The following TLL2 variants were observed in gnomAD, a reference collection of about 807,000 sequenced individuals.
TLL2 encodes the protein tolloid-like protein 2.
Under a neutral mutation model 123.0 loss-of-function variants are expected in TLL2, and 106 were observed. That is an observed-to-expected ratio of 0.86 (90% CI 0.74 to 1.01). The LOEUF is 1.01. TLL2 is among the 50% of genes least tolerant of loss of function. The probability of loss-of-function intolerance (pLI) is 0.00; values close to 1 mark genes in which losing one functional copy is unlikely to be tolerated. For synonymous variants in TLL2, 494 were observed against 516.8 expected (o/e 0.96, Z 0.60); for missense variants, 1,332 against 1,336.7 (o/e 1.00, Z 0.06).
intron 5 of TLL2, among the ~76,000 whole-genome samples, chr10:96,423,743 G>A (rs1846649286): frequency 6.6e-6 from 1 of 152,082 alleles, no homozygotes; most frequent in South Asian, 2.1e-4. Flanking sequence ...CTCCCAAAAT[G>A]TTGTCTGTTT....
intron 16 of TLL2, among the ~76,000 whole-genome samples, chr10:96,380,565 C>T (rs948863587): frequency 2.2e-4 from 34 of 151,576 alleles, no homozygotes; most frequent in Non-Finnish European, 4.7e-4. Flanking sequence ...TGGTGGCGGG[C>T]GCCTGTAGTC....
At chr10:96,472,952 T>G (rs1307962037) in intron 2 of TLL2, among the ~76,000 whole-genome samples, 2 of 152,078 alleles carry the variant, frequency 1.3e-5, no homozygotes, top group Non-Finnish European at 2.9e-5. Context: ...TAATGCCTGA[T>G]AGCCTTTGGT....
chr10:96,496,832 T>A (rs1474068569), intron 1 of TLL2, among the ~76,000 whole-genome samples: 1 of 152,110 alleles, frequency 6.6e-6, no homozygotes, highest in Admixed American at 6.6e-5. Context: ...CCCCACTCAA[T>A]GGGTGGTGCT....
Position 96,407,883 on chromosome 10 carries a change from GTGTGTGTGCA to G in TLL2, c.1164+2466_1164+2475del, listed in dbSNP as rs1846466492. Among the ~76,000 whole-genome samples the G allele has an allele frequency of 4.8e-5, 7 of 147,238 alleles. No individual in the cohort carries two copies. The East Asian group carries it at 9.6e-4, about 20-fold the overall frequency. ...CATGTGTGTGCGCACACGTGTGTGCGTGTGTGTGCATGTGTGTGCGCACGCTGTCACTCCT... is the reference window on the plus strand; with the variant it reads ...CATGTGTGTGCGCACACGTGTGTGCGTGTGTGTGCGCACGCTGTCACTCCT... On this transcript the variant is annotated intron_variant, in intron 9 of 20. Transcript: ENST00000357947.
rs1473925602 is a variant in TLL2 at position 96,477,706 on chromosome 10, A to G, written c.286+2643T>C. On this transcript the variant is annotated intron_variant, in intron 2 of 20. Coordinates refer to ENST00000357947, the MANE Select transcript of TLL2 (RefSeq NM_012465.4). The stretch of plus-strand genomic sequence containing the variant: ...TAAGGATTATTGCTATTTGCATTTG[A>G]CAGATGAAGAAACTGAGGCCCAGCT... 2.0e-5 allele frequency among the ~76,000 whole-genome samples: 3 copies of G among 152,284 alleles called. No homozygotes were observed. In the East Asian group the frequency reaches 5.8e-4, roughly 29 times the overall value.
chr10:96,500,916 A>G (rs1564920459), intron 1 of TLL2, among the ~76,000 whole-genome samples: 1 of 152,208 alleles, frequency 6.6e-6, no homozygotes, highest in Non-Finnish European at 1.5e-5. Flanking sequence ...AGCAACTTAA[A>G]TTGGTTTTGT....
At chr10:96,398,363 G>T (rs1236948818) in intron 10 of TLL2, among the ~76,000 whole-genome samples, 1 of 152,164 alleles carries the variant, frequency 6.6e-6, no homozygotes, top group African/African-American at 2.4e-5. Context: ...AGTCAGGGTG[G>T]CAGGATAGAT....
chr10:96,492,064 A>G (rs1847419333), intron 1 of TLL2, among the ~76,000 whole-genome samples: 1 of 152,170 alleles, frequency 6.6e-6, no homozygotes, highest in Non-Finnish European at 1.5e-5. Context: ...TGCACAGCAC[A>G]GATCTTGCCC....
intron 7 of TLL2, among the ~76,000 whole-genome samples, chr10:96,417,084 C>A (rs1331327783): frequency 6.6e-6 from 1 of 152,138 alleles, no homozygotes; most frequent in African/African-American, 2.4e-5. Flanking sequence ...TAAAGAGACA[C>A]AAGGATTGAG....
At chr10:96,428,792 A>C (rs949292811) in intron 4 of TLL2, 44 bp from the exon 5 acceptor site, 3 of 1,301,290 alleles carry the variant, frequency 2.3e-6, no homozygotes, top group African/African-American at 3.0e-5. Flanking sequence ...ATGGGTCCAT[A>C]TTTTCTTTAG....
intron 2 of TLL2, among the ~76,000 whole-genome samples, chr10:96,472,990 C>G (rs1847199465): frequency 6.6e-6 from 1 of 151,984 alleles, no homozygotes; most frequent in Non-Finnish European, 1.5e-5. Context: ...CCTGAAACAC[C>G]AGCACTCAAA....
At chr10:96,471,481 G>C (rs923617423) in intron 2 of TLL2, among the ~76,000 whole-genome samples, 1 of 152,192 alleles carries the variant, frequency 6.6e-6, no homozygotes, top group Non-Finnish European at 1.5e-5. Context: ...TAGGAAGCAT[G>C]GGATTTGGGA....
At chr10:96,369,935 G>T in intron 20 of TLL2, 130 bp downstream of exon 20, 1 of 1,318,474 alleles carries the variant, frequency 7.6e-7, no homozygotes, top group Non-Finnish European at 1.0e-6. Context: ...CGCTTCTGCA[G>T]AACGTGCCTC....
rs1465174619 is a variant in TLL2, at chr10:96,428,751, G to T, written c.521-3C>A. On this transcript the variant is annotated splice_polypyrimidine_tract_variant and splice_region_variant and intron_variant, in intron 4 of 20. Transcript: ENST00000357947. ...CTTAAAAATGGCCCTCTGGCTCCCTGAAACAACAGGGCAAGCACTCGACTT... is the reference window on the plus strand; with the variant it reads ...CTTAAAAATGGCCCTCTGGCTCCCTTAAACAACAGGGCAAGCACTCGACTT... 1.3e-6 allele frequency: 2 copies of T among 1,599,104 alleles called. No individual in the cohort carries two copies. Among genetic ancestry groups the T allele is most frequent in the South Asian group, 1.1e-5 (1 of 90,328 alleles).
intron 1 of TLL2, among the ~76,000 whole-genome samples, chr10:96,485,621 T>TA (rs1479771788): frequency 5.9e-5 from 9 of 152,162 alleles, no homozygotes; most frequent in Non-Finnish European, 1.3e-4. Flanking sequence ...ATGGCTAGAA[T>TA]AAAAAATTAG....
At chr10:96,480,489 T>C in intron 1 of TLL2, 30 bp from the exon 2 acceptor site, 8 of 1,564,438 alleles carry the variant, frequency 5.1e-6, no homozygotes, top group Non-Finnish European at 7.0e-6. Flanking sequence ...GTGGGTGAAT[T>C]TATGCTAGAA....
intron 7 of TLL2, among the ~76,000 whole-genome samples, chr10:96,415,495 G>A (rs1245846691): frequency 6.6e-6 from 1 of 151,704 alleles, no homozygotes; most frequent in Non-Finnish European, 1.5e-5. Flanking sequence ...AGGAGTGATG[G>A]TATTTGTCTT....
In TLL2 at chr10:96,482,755, C is replaced by T. The variant is rs148412250; in HGVS notation, c.176-2296G>A. 4.3e-3 allele frequency among the ~76,000 whole-genome samples: 661 copies of T among 152,154 alleles called. 2 individuals are homozygous for T. The highest frequency in any genetic ancestry group is 0.014 in the Middle Eastern group (4 of 294). ...GAACTGGATTGTAGTTATGGTTACA[C>T]AATTATAAATTTACTAAAATCGCAT... is the stretch of plus-strand genomic sequence containing the variant. On this transcript the variant is annotated intron_variant, in intron 1 of 20. Transcript: ENST00000357947.
At chr10:96,397,876 T>G (rs1846356846) in intron 10 of TLL2, among the ~76,000 whole-genome samples, 1 of 152,156 alleles carries the variant, frequency 6.6e-6, no homozygotes, top group Non-Finnish European at 1.5e-5. Context: ...GTGACAGGAC[T>G]AGCGGGAGAG....
Sources: gnomAD v4.1 joint callset for allele counts (sites outside exome capture counted in the v4.1 genomes callset) on GRCh38, gnomAD v4.1.1 for gene constraint, MANE v1.5 for transcripts, NCBI Gene and HGNC (gene_info 2026-07-23, HGNC 2026-07-21) for gene names.